The following CBLN2 variants were observed in gnomAD, a reference collection of about 807,000 sequenced individuals.
CBLN2 encodes cerebellin 2 precursor.
A neutral mutation model predicts 15.0 loss-of-function variants in CBLN2; 7 were observed. That is an observed-to-expected ratio of 0.47 (90% confidence interval 0.27 to 0.88). The LOEUF (loss-of-function observed/expected upper bound fraction) is 0.88, where lower values mean the gene tolerates loss of function less well. CBLN2 is among the 40% of genes least tolerant of loss of function. The pLI is 0.14. For missense variants in CBLN2, 242 were observed against 304.5 expected (o/e 0.79, Z 1.53); for synonymous variants, 149 against 135.2 (o/e 1.10, Z -0.71).
At chr18:72,559,769 C>T (rs572881369) in intron 1 of CBLN2, among the ~76,000 whole-genome samples, 1 of 152,256 alleles carries the variant, frequency 6.6e-6, no homozygotes, top group Non-Finnish European at 1.5e-5. Flanking sequence ...GTTTAGACTT[C>T]TAAAGGGCGC....
intron 3 of CBLN2, chr18:72,539,105 C>G (rs2069089784): frequency 8.5e-6 from 2 of 234,644 alleles, no homozygotes; most frequent in South Asian, 1.5e-4. Context: ...GCTTGTTAAA[C>G]AAATCCTAAA....
chr18:72,630,642 A>G (rs1378993117), intron 1 of CBLN2, among the ~76,000 whole-genome samples: 2 of 151,838 alleles, frequency 1.3e-5, no homozygotes, highest in Non-Finnish European at 2.9e-5. Flanking sequence ...ACTGACTTAT[A>G]CAAGGACACT....
At chr18:72,590,930 C>A (rs1466374949) in intron 1 of CBLN2, among the ~76,000 whole-genome samples, 2 of 152,190 alleles carry the variant, frequency 1.3e-5, no homozygotes, top group African/African-American at 4.8e-5. Flanking sequence ...ATAATTTGAA[C>A]TATTTCTCCA....
intron 1 of CBLN2, among the ~76,000 whole-genome samples, chr18:72,559,452 A>G (rs188785784): frequency 4.3e-4 from 65 of 152,334 alleles, no homozygotes; most frequent in African/African-American, 1.5e-3. Context: ...GCCATTTTGG[A>G]TTTGACTCTG....
At chr18:72,629,968 C>A (rs1599030977) in intron 1 of CBLN2, among the ~76,000 whole-genome samples, 1 of 151,962 alleles carries the variant, frequency 6.6e-6, no homozygotes, top group African/African-American at 2.4e-5. Flanking sequence ...CCAAAAGATA[C>A]CAAAGTGGAA....
At chr18:72,634,070 T>A (rs916833508) in intron 1 of CBLN2, among the ~76,000 whole-genome samples, 6 of 152,036 alleles carry the variant, frequency 3.9e-5, no homozygotes, top group African/African-American at 1.4e-4. Context: ...AAAAATTCAT[T>A]TTTAAAACAA....
chr18:72,590,133 C>A (rs1038340263), intron 1 of CBLN2, among the ~76,000 whole-genome samples: 1 of 152,152 alleles, frequency 6.6e-6, no homozygotes, highest in Non-Finnish European at 1.5e-5. Flanking sequence ...GGCATGGTGG[C>A]GGGCACCTGT....
At chr18:72,574,670 G>A (rs2069353404) in intron 1 of CBLN2, among the ~76,000 whole-genome samples, 1 of 152,182 alleles carries the variant, frequency 6.6e-6, no homozygotes, top group Admixed American at 6.5e-5. Context: ...ATGTGATAGT[G>A]AGAGTCTGCA....
At chr18:72,586,006 G>A (rs1038485849) in intron 1 of CBLN2, among the ~76,000 whole-genome samples, 2 of 152,194 alleles carry the variant, frequency 1.3e-5, no homozygotes, top group African/African-American at 4.8e-5. Flanking sequence ...GGGGCAGGAG[G>A]GCTTCCCAGG....
At chr18:72,605,932 C>T (rs995832773) in intron 1 of CBLN2, among the ~76,000 whole-genome samples, 2 of 144,588 alleles carry the variant, frequency 1.4e-5, no homozygotes, top group African/African-American at 4.9e-5. Context: ...TGTGACTGTA[C>T]CCTAAATATA....
intron 1 of CBLN2, among the ~76,000 whole-genome samples, chr18:72,592,053 C>T (rs957780137): frequency 1.3e-5 from 2 of 152,034 alleles, no homozygotes; most frequent in African/African-American, 4.8e-5. Flanking sequence ...TTTGAAGAGG[C>T]TCTTTACTGT....
At chr18:72,593,400 G>T (rs547132410) in intron 1 of CBLN2, among the ~76,000 whole-genome samples, 1 of 152,126 alleles carries the variant, frequency 6.6e-6, no homozygotes, top group Non-Finnish European at 1.5e-5. Context: ...GTTCTAACAG[G>T]GTTTTTTGGT....
In CBLN2 at chr18:72,619,099, A is replaced by G. The variant is rs1395848893; in HGVS notation, c.15+19226T>C. On this transcript the variant is annotated intron_variant, in intron 1 of 2. Coordinates refer to the CBLN2 transcript ENST00000581073. Reference sequence around the variant, plus strand: ...AATTTTGGACCCATGAAGAGAGTAAATTTTGGAGGCAGAAGCTCTGGCCCC... The same window carrying G: ...AATTTTGGACCCATGAAGAGAGTAAGTTTTGGAGGCAGAAGCTCTGGCCCC... 3 of 747,218 alleles carry G rather than the reference A, an allele frequency of 4.0e-6. No individual in the cohort carries two copies. The African/African-American group carries it at 5.1e-5, about 13-fold the overall frequency. The allele number at this position is 747,218 out of a possible 1,614,324, so 46.3% of individuals were successfully genotyped here. A position where few individuals can be genotyped will look rare whatever the true frequency, so the allele number is the denominator to read the frequency against.
At chr18:72,611,767 T>C (rs775050883) in intron 1 of CBLN2, among the ~76,000 whole-genome samples, 2 of 152,182 alleles carry the variant, frequency 1.3e-5, no homozygotes, top group Non-Finnish European at 2.9e-5. Context: ...CTTTCCAATC[T>C]TTGTTTTTGT....
intron 1 of CBLN2, among the ~76,000 whole-genome samples, chr18:72,574,803 G>C (rs2069354065): frequency 6.6e-6 from 1 of 152,184 alleles, no homozygotes; most frequent in Admixed American, 6.5e-5. Context: ...AGCTAGGAAA[G>C]TATGTCATGA....
intron 1 of CBLN2, among the ~76,000 whole-genome samples, chr18:72,559,299 G>A (rs930305090): frequency 6.6e-6 from 1 of 152,140 alleles, no homozygotes; most frequent in East Asian, 1.9e-4. Flanking sequence ...CTTTTCAGAG[G>A]TGAAAAGAAC....
intron 1 of CBLN2, among the ~76,000 whole-genome samples, chr18:72,600,174 A>T (rs759836128): frequency 6.6e-5 from 10 of 152,254 alleles, no homozygotes; most frequent in Non-Finnish European, 1.0e-4. Flanking sequence ...CTATTGCTAC[A>T]ATAGATCAAT....
At chr18:72,629,882 C>T (rs200270422) in intron 1 of CBLN2, among the ~76,000 whole-genome samples, 1 of 151,892 alleles carries the variant, frequency 6.6e-6, no homozygotes, top group African/African-American at 2.4e-5. Context: ...TTTCTGATAC[C>T]ACAATTTTTA....
At chr18:72,629,224 G>A (rs1461695385) in intron 1 of CBLN2, among the ~76,000 whole-genome samples, 3 of 152,130 alleles carry the variant, frequency 2.0e-5, no homozygotes, top group Admixed American at 1.3e-4. Context: ...AAGTGCTTAA[G>A]TGTTTCAACT....
Sources: gnomAD v4.1 joint callset for allele counts (sites outside exome capture counted in the v4.1 genomes callset) on GRCh38, gnomAD v4.1.1 for gene constraint, MANE v1.5 for transcripts, NCBI Gene and HGNC (gene_info 2026-07-23, HGNC 2026-07-21) for gene names.